RABGAP1L: variants seen among roughly 807,000 people sequenced by gnomAD.
RABGAP1L encodes rab GTPase-activating protein 1-like.
RABGAP1L carries 63 observed loss-of-function variants against 137.7 expected under a neutral mutation model. The observed-to-expected ratio is 0.46, with a 90% CI of 0.37 to 0.56. The LOEUF (loss-of-function observed/expected upper bound fraction) is 0.56. Among genes scored for constraint, RABGAP1L ranks in the 20% least tolerant of loss-of-function variants. RABGAP1L has a pLI of 0.00. For missense variants in RABGAP1L, 1,095 were observed against 1,244.0 expected (o/e 0.88, Z 1.80); for synonymous variants, 431 against 433.7 (o/e 0.99, Z 0.08).
intron 11 of RABGAP1L, among the ~76,000 whole-genome samples, chr1:174,370,462 C>CTTT (rs1685015345): frequency 4.0e-5 from 3 of 75,324 alleles, no homozygotes; most frequent in African/African-American, 1.9e-4. Flanking sequence ...GTTAAAAATA[C>CTTT]CTTTTTTTTT....
intron 1 of RABGAP1L, among the ~76,000 whole-genome samples, chr1:174,161,773 G>C (rs1157625410): frequency 6.7e-6 from 1 of 149,888 alleles, no homozygotes; most frequent in African/African-American, 2.6e-5. Flanking sequence ...CTGGCGCCCA[G>C]GCTGGAGTGC....
At chr1:174,548,548 A>G (rs1666203832) in intron 13 of RABGAP1L, 3 of 975,922 alleles carry the variant, frequency 3.1e-6, no homozygotes, top group Admixed American at 6.1e-5. Flanking sequence ...AAACAGTAAA[A>G]TCACTATTTT....
At chr1:174,971,777 C>G (rs1350705253) in intron 21 of RABGAP1L, among the ~76,000 whole-genome samples, 2 of 152,228 alleles carry the variant, frequency 1.3e-5, no homozygotes, top group African/African-American at 4.8e-5. Context: ...AGGCCTTCAC[C>G]TAGTTTGCCC....
chr1:174,179,887 A>T (rs913421220), intron 1 of RABGAP1L, among the ~76,000 whole-genome samples: 1 of 152,236 alleles, frequency 6.6e-6, no homozygotes, highest in Non-Finnish European at 1.5e-5. Flanking sequence ...CATCTTATGT[A>T]TGCATTTAAT....
intron 13 of RABGAP1L, among the ~76,000 whole-genome samples, chr1:174,583,537 GT>G (rs1668893275): frequency 6.6e-6 from 1 of 152,020 alleles, no homozygotes; most frequent in Admixed American, 6.6e-5. Flanking sequence ...TTTTCATTCT[GT>G]TATGAGCTAA....
intron 1 of RABGAP1L, among the ~76,000 whole-genome samples, chr1:174,204,505 T>G (rs1043039980): frequency 6.6e-6 from 1 of 152,234 alleles, no homozygotes; most frequent in African/African-American, 2.4e-5. Context: ...CAGGGAATGC[T>G]TCTAGCTTTT....
At chr1:174,657,036 T>C (rs1213015971) in intron 14 of RABGAP1L, among the ~76,000 whole-genome samples, 1 of 152,204 alleles carries the variant, frequency 6.6e-6, no homozygotes, top group Non-Finnish European at 1.5e-5. Flanking sequence ...TGAGCATTGC[T>C]CTCTAAGTTC....
intron 14 of RABGAP1L, among the ~76,000 whole-genome samples, chr1:174,656,889 C>T (rs1354033144): frequency 6.6e-6 from 1 of 152,158 alleles, no homozygotes; most frequent in Non-Finnish European, 1.5e-5. Flanking sequence ...TATTACTCAA[C>T]CATTCATTTG....
At chr1:174,740,622 T>C (rs974314730) in intron 17 of RABGAP1L, among the ~76,000 whole-genome samples, 6 of 152,182 alleles carry the variant, frequency 3.9e-5, no homozygotes, top group Admixed American at 2.0e-4. Flanking sequence ...GATCAAATGG[T>C]AATTATATTT....
chr1:174,547,137 T>A (rs1326004876), intron 13 of RABGAP1L, among the ~76,000 whole-genome samples: 1 of 152,072 alleles, frequency 6.6e-6, no homozygotes, highest in African/African-American at 2.4e-5. Flanking sequence ...ACATAGAGAT[T>A]TAAAATTAAA....
chr1:174,980,764 T>C (rs1188569195), intron 23 of RABGAP1L, among the ~76,000 whole-genome samples: 1 of 152,192 alleles, frequency 6.6e-6, no homozygotes, highest in East Asian at 1.9e-4. Context: ...AGACATATTA[T>C]TGGCACTAAT....
intron 13 of RABGAP1L, among the ~76,000 whole-genome samples, chr1:174,469,816 C>T (rs1021536900): frequency 1.3e-5 from 2 of 152,126 alleles, no homozygotes; most frequent in Non-Finnish European, 2.9e-5. Flanking sequence ...GACAAAATGG[C>T]ACTCAGTTCC....
intron 19 of RABGAP1L, among the ~76,000 whole-genome samples, chr1:174,937,130 C>T (rs1043759067): frequency 6.6e-6 from 1 of 151,416 alleles, no homozygotes; most frequent in Non-Finnish European, 1.5e-5. Context: ...AGGCTCCTGC[C>T]ACCACGCCCG....
At position 174,839,950 on chromosome 1, in the gene RABGAP1L, A is replaced by G. The variant is rs568688870; in HGVS notation, c.2340+27990A>G. On this transcript the variant is annotated intron_variant, in intron 19 of 25. Coordinates refer to ENST00000681986, the MANE Select transcript of RABGAP1L (RefSeq NM_001366446.1). ...TGGGAGAGATAGATATAGACAGTGTAGAACAGCCAAGAAACTATGGGAGGA... is the reference window on the plus strand; with the variant it reads ...TGGGAGAGATAGATATAGACAGTGTGGAACAGCCAAGAAACTATGGGAGGA... Among the ~76,000 whole-genome samples the G allele has an allele frequency of 5.9e-5, 9 of 152,374 alleles. No individual in the cohort carries two copies. In the South Asian group the frequency reaches 1.9e-3, roughly 32 times the overall value.
intron 1 of RABGAP1L, among the ~76,000 whole-genome samples, chr1:174,195,717 CTTTCTT>C (rs1558021691): frequency 6.8e-4 from 60 of 88,432 alleles, no homozygotes; most frequent in African/African-American, 2.4e-3. Flanking sequence ...TCTTTCTTTT[CTTTCTT>C]TTCTTTCTTT....
intron 14 of RABGAP1L, among the ~76,000 whole-genome samples, chr1:174,665,664 A>G (rs908932032): frequency 6.6e-6 from 1 of 152,194 alleles, no homozygotes; most frequent in East Asian, 1.9e-4. Flanking sequence ...CATGTTGGCC[A>G]TGTTTGGCCA....
chr1:174,762,343 A>G (rs560946679), intron 18 of RABGAP1L, among the ~76,000 whole-genome samples: 10 of 152,254 alleles, frequency 6.6e-5, no homozygotes, highest in South Asian at 6.2e-4. Flanking sequence ...GGTTTTCCCA[A>G]TAGACCAATC....
At chr1:174,778,416 T>C (rs1275758855) in intron 18 of RABGAP1L, among the ~76,000 whole-genome samples, 1 of 152,142 alleles carries the variant, frequency 6.6e-6, no homozygotes, top group African/African-American at 2.4e-5. Context: ...AGAAGCAAAA[T>C]AATACTTCAC....
chr1:174,790,084 C>T (rs965335316), intron 18 of RABGAP1L, among the ~76,000 whole-genome samples: 2 of 151,822 alleles, frequency 1.3e-5, no homozygotes, highest in Non-Finnish European at 2.9e-5. Context: ...GTGGCTCACA[C>T]CTGTGGTTCC....
Sources: allele counts gnomAD v4.1 joint callset (sites outside exome capture counted in the v4.1 genomes callset), GRCh38; gene constraint gnomAD v4.1.1; transcripts MANE v1.5; gene names NCBI Gene and HGNC (gene_info 2026-07-23, HGNC 2026-07-21).